The following EVI5L variants were observed in gnomAD, a reference collection of about 807,000 sequenced individuals.
EVI5L encodes ecotropic viral integration site 5 like.
A neutral mutation model predicts 106.1 loss-of-function variants in EVI5L; 30 were observed. The ratio of observed to expected loss-of-function variants is 0.28; its 90% CI spans 0.21 to 0.38. The LOEUF is 0.38. EVI5L is among the 10% of genes least tolerant of loss of function. The pLI is 1.00. For missense variants in EVI5L, 809 were observed against 1,098.0 expected (o/e 0.74, Z 3.72); for synonymous variants, 489 against 483.3 (o/e 1.01, Z -0.15).
intron 1 of EVI5L, among the ~76,000 whole-genome samples, chr19:7,834,696 G>A (rs1367574782): frequency 1.3e-5 from 2 of 152,214 alleles, no homozygotes; most frequent in African/African-American, 2.4e-5. Context: ...CCCTGCCCTA[G>A]TAGAACTTTT....
intron 1 of EVI5L, among the ~76,000 whole-genome samples, chr19:7,842,487 G>T (rs544145301): frequency 2.7e-5 from 4 of 147,144 alleles, no homozygotes; most frequent in African/African-American, 1.0e-4. Context: ...CATGTGTGTG[G>T]GGATGTGTGA....
At chr19:7,855,178 G>A (rs933814819) in intron 10 of EVI5L, among the ~76,000 whole-genome samples, 10 of 150,736 alleles carry the variant, frequency 6.6e-5, no homozygotes, top group African/African-American at 2.2e-4. Context: ...GTGCAGTGAG[G>A]TGATCTCGGC....
rs374533930 is a variant in EVI5L at position 7,848,250 on chromosome 19, C to T, written c.327+329C>T. ...GGAGGATCGCTTGAGGCCAGGAGTT[C>T]GAGGCCAGCCTGGGCAACGTAATGA... On this transcript the variant is annotated intron_variant, in intron 3 of 19. Transcript: ENST00000538904. The surrounding 1 kb of genome is among the most constrained non-coding windows in gnomAD (Gnocchi z 4.8). Among the ~76,000 whole-genome samples the T allele has an allele frequency of 1.3e-5, 2 of 151,568 alleles. No individual in the cohort carries two copies. The highest frequency in any genetic ancestry group is 2.1e-4 in the South Asian group (1 of 4,790).
rs1469667908 is a variant in EVI5L, at chr19:7,843,350, G to C, written c.-47-3146G>C. Among the ~76,000 whole-genome samples, 3 of 148,370 alleles carry C rather than the reference G, an allele frequency of 2.0e-5. No individual in the cohort carries two copies. The East Asian group carries it at 6.0e-4, about 30-fold the overall frequency. ...GTTGAGTGTGCATGTGTGTGTATAG[G>C]TGTGTGAGTGTGAGAATAGGCATGG... On this transcript the variant is annotated intron_variant, in intron 1 of 19. Transcript: ENST00000538904.
intron 17 of EVI5L, 40 bp downstream of exon 17, chr19:7,862,574 C>A: frequency 1.5e-6 from 2 of 1,377,722 alleles, no homozygotes; most frequent in Non-Finnish European, 1.9e-6. Context: ...GTGGCACCGC[C>A]CCCGGACGCG....
chr19:7,855,010 G>A (rs1000919548), intron 10 of EVI5L, among the ~76,000 whole-genome samples: 2 of 152,008 alleles, frequency 1.3e-5, no homozygotes, highest in Non-Finnish European at 2.9e-5. Flanking sequence ...TACCACCTTA[G>A]TATCAAGCAA....
rs200928118 is a variant in EVI5L at position 7,859,701 on chromosome 19, G to T, written c.1375-860G>T. On this transcript the variant is annotated intron_variant, in intron 13 of 19. Coordinates refer to ENST00000538904, the MANE Select transcript of EVI5L (RefSeq NM_001159944.3). Reference sequence around the variant, plus strand: ...GGCCGCCTTTCAGGCTCGTTAGAGAGACTCCACCAGCCACCCCTGAGCTCC... The same window carrying T: ...GGCCGCCTTTCAGGCTCGTTAGAGATACTCCACCAGCCACCCCTGAGCTCC... Among the ~76,000 whole-genome samples the T allele has an allele frequency of 7.2e-5, 11 of 152,348 alleles. No homozygotes were observed. The East Asian group carries it at 2.1e-3, about 29-fold the overall frequency.
intron 1 of EVI5L, among the ~76,000 whole-genome samples, chr19:7,831,584 C>G (rs964063045): frequency 6.6e-6 from 1 of 152,202 alleles, no homozygotes; most frequent in Admixed American, 6.5e-5. Context: ...CCCCAGGCCT[C>G]TGCCAAGTTA....
chr19:7,848,764 G>A lies in EVI5L; in HGVS notation c.328-157G>A. The A allele has an allele frequency of 3.0e-6, 2 of 672,310 alleles. No individual in the cohort carries two copies. Among genetic ancestry groups the A allele is most frequent in the Non-Finnish European group, 5.0e-6 (2 of 400,032 alleles). 41.6% of individuals were successfully genotyped at this position (672,310 alleles called of 1,614,324 possible). A position where few individuals can be genotyped will look rare whatever the true frequency, so the allele number is the denominator to read the frequency against. ...AGCCTGGGTGACAGAGGGAGACCCT[G>A]TCTCTGAAAAAAGGGGGTAAAAAAA... On this transcript the variant is annotated intron_variant, in intron 3 of 19. Coordinates refer to ENST00000538904, the MANE Select transcript of EVI5L (RefSeq NM_001159944.3). This position sits in a 1 kb window ranked among gnomAD's most constrained non-coding sequence, Gnocchi z 4.8.
chr19:7,832,266 C>T (rs147981640), intron 1 of EVI5L, among the ~76,000 whole-genome samples: 2 of 152,178 alleles, frequency 1.3e-5, no homozygotes, highest in South Asian at 2.1e-4. Context: ...GAGATGCTGG[C>T]GCGACACTGT....
intron 1 of EVI5L, among the ~76,000 whole-genome samples, chr19:7,834,149 C>A (rs1211424350): frequency 1.3e-5 from 2 of 152,092 alleles, no homozygotes; most frequent in African/African-American, 4.8e-5. Flanking sequence ...GAGTTCGAGA[C>A]CAGCCTGGCC....
rs763335097 is a variant in EVI5L, at chr19:7,863,041, C to A, written c.2017C>A (p.Gln673Lys). ...DSMAAVAEMR[Q>K]RIAELEIQRE... Reference sequence around the variant, plus strand: ...CATGGCTGCGGTGGCCGAGATGCGGCAGCGCATTGCCGAGCTGGAGATCCA... The same window carrying A: ...CATGGCTGCGGTGGCCGAGATGCGGAAGCGCATTGCCGAGCTGGAGATCCA... The change falls in exon 18 of 20, where the codon CAG (glutamine) becomes AAG (lysine). Residue 673 changes from glutamine (Q) to lysine (K), a missense_variant. Physicochemically the swap from Gln to Lys is moderately conservative, Grantham distance 53 (BLOSUM62 1). Transcript: ENST00000538904. This position sits in a 1 kb window ranked among gnomAD's most constrained non-coding sequence, Gnocchi z 7.7. The A allele has an allele frequency of 4.5e-6, 7 of 1,572,290 alleles. No individual in the cohort carries two copies. The highest frequency in any genetic ancestry group is 6.0e-6 in the Non-Finnish European group (7 of 1,166,446).
In EVI5L at chr19:7,857,086, G is replaced by T. The variant is rs1979565763; in HGVS notation, c.1201-6G>T. On this transcript the variant is annotated splice_polypyrimidine_tract_variant and splice_region_variant and intron_variant, in intron 11 of 19. Transcript: ENST00000538904. The surrounding 1 kb of genome is among the most constrained non-coding windows in gnomAD (Gnocchi z 4.5). ...CCTGTCGCTGGGAACCCCCTTCGCC[G>T]GGTAGGAGAGCGCTGCTCTGGCTGA... is the stretch of plus-strand genomic sequence containing the variant. 2 of 1,551,692 alleles carry T rather than the reference G, an allele frequency of 1.3e-6. No individual in the cohort carries two copies. Among genetic ancestry groups the T allele is most frequent in the Non-Finnish European group, 8.7e-7 (1 of 1,147,018 alleles).
chr19:7,842,200 G>A (rs1195300572), intron 1 of EVI5L, among the ~76,000 whole-genome samples: 1 of 81,264 alleles, frequency 1.2e-5, no homozygotes, highest in South Asian at 5.3e-4. Context: ...TGTGTTGTGT[G>A]TGCATGTATA....
rs1226365437 is a variant in EVI5L at position 7,861,484 on chromosome 19, AGAGG to A, written c.1504-391_1504-388del. On this transcript the variant is annotated intron_variant, in intron 14 of 19. Coordinates refer to ENST00000538904, the MANE Select transcript of EVI5L (RefSeq NM_001159944.3). The stretch of plus-strand genomic sequence containing the variant: ...GCTGGCACTCAGCCTGTTCCCAGGG[AGAGG>A]GACTGCCTGGCCTGGTGTGGCCTGG... Among the ~76,000 whole-genome samples the A allele has an allele frequency of 2.6e-5, 4 of 152,230 alleles. No homozygotes were observed. The East Asian group carries it at 7.7e-4, about 29-fold the overall frequency.
At chr19:7,847,668 G>T in intron 2 of EVI5L, 64 bp from the exon 3 acceptor site, 1 of 1,559,580 alleles carries the variant, frequency 6.4e-7, no homozygotes, top group Non-Finnish European at 8.7e-7. Context: ...GATGGGCTGG[G>T]CTCGCCAAGG....
In EVI5L at chr19:7,858,279, C is replaced by T; in HGVS notation, c.1322C>T (p.Ala441Val). The change falls in exon 13 of 20, where the codon GCC becomes GTC. Residue 441 changes from alanine to valine, a missense_variant. Coordinates refer to ENST00000538904, the MANE Select transcript of EVI5L (RefSeq NM_001159944.3). This position sits in a 1 kb window ranked among gnomAD's most constrained non-coding sequence, Gnocchi z 5.7. ...GTGCGGCAGCAGTGCAGCTCGGCGG[C>T]CGAGGACCTGCAGAAGGCACAGAGC... Reference protein sequence around the residue: ...AVVRQQCSSAAEDLQKAQSTI... With the variant: ...AVVRQQCSSAVEDLQKAQSTI... 6.4e-7 allele frequency: 1 copy of T among 1,551,942 alleles called. No homozygotes were observed. Among genetic ancestry groups the T allele is most frequent in the Non-Finnish European group, 8.7e-7 (1 of 1,148,110 alleles).
chr19:7,852,221 G>T (rs573593), intron 8 of EVI5L, among the ~76,000 whole-genome samples: 1 of 152,168 alleles, frequency 6.6e-6, no homozygotes, highest in Non-Finnish European at 1.5e-5. Context: ...CCCTGCTGCT[G>T]GCCAGCCTGC....
intron 10 of EVI5L, 123 bp downstream of exon 10, chr19:7,853,456 T>C (rs1291777152): frequency 7.3e-7 from 1 of 1,366,090 alleles, no homozygotes; most frequent in Non-Finnish European, 1.0e-6. Context: ...CCGGCGGTCC[T>C]TGGCGGACAG....
Sources: gnomAD v4.1 joint callset for allele counts (sites outside exome capture counted in the v4.1 genomes callset) on GRCh38, gnomAD v4.1.1 for gene constraint, Gnocchi (gnomAD v3.1) non-coding constraint, MANE v1.5 for transcripts, NCBI Gene and HGNC (gene_info 2026-07-23, HGNC 2026-07-21) for gene names.